KLC1: variants seen among roughly 807,000 people sequenced by gnomAD.
The protein encoded by KLC1 is kinesin light chain 1.
KLC1 carries 30 observed loss-of-function variants against 84.2 expected under a neutral mutation model. The ratio of observed to expected loss-of-function variants is 0.36; its 90% CI spans 0.27 to 0.48. The LOEUF (loss-of-function observed/expected upper bound fraction) is 0.48. KLC1 is among the 20% of genes least tolerant of loss of function. The probability of loss-of-function intolerance (pLI) is 0.99; values close to 1 mark genes in which losing one functional copy is unlikely to be tolerated. For synonymous variants in KLC1, 289 were observed against 293.3 expected (o/e 0.99, Z 0.15); for missense variants, 499 against 805.4 (o/e 0.62, Z 4.60).
intron 14 of KLC1, 36 bp downstream of exon 14, chr14:103,687,247 C>G: frequency 6.7e-7 from 1 of 1,503,350 alleles, no homozygotes; most frequent in Non-Finnish European, 9.0e-7. Context: ...ACTCCCTGCA[C>G]GCCGGCTGCT....
At chr14:103,697,017 G>A in intron 15 of KLC1, 2 of 985,476 alleles carry the variant, frequency 2.0e-6, no homozygotes, top group Non-Finnish European at 2.4e-6. Flanking sequence ...CGAGCTTCCA[G>A]GCGTGTTTTC....
intron 14 of KLC1, among the ~76,000 whole-genome samples, chr14:103,691,431 AT>A (rs1191144740): frequency 1.5e-5 from 2 of 130,126 alleles, no homozygotes; most frequent in Non-Finnish European, 3.1e-5. Flanking sequence ...AAGTGCTGGG[AT>A]TACAAGCATG....
At position 103,694,189 on chromosome 14, in the gene KLC1, C is replaced by T. The variant is rs1202907865; in HGVS notation, c.1848+1764C>T. On this transcript the variant is annotated intron_variant, in intron 15 of 16. Coordinates refer to ENST00000334553, the MANE Select transcript of KLC1 (RefSeq NM_001394837.1). The surrounding 1 kb of genome is among the most constrained non-coding windows in gnomAD (Gnocchi z 4.5). The stretch of plus-strand genomic sequence containing the variant: ...CTGTGGCCCTGGGGCCCCATGCCCC[C>T]TTTTGAGCTGTGTTCTCCCGGACGC... 2.0e-6 allele frequency: 2 copies of T among 985,400 alleles called. No individual in the cohort carries two copies. The highest frequency in any genetic ancestry group is 5.2e-4 in the Middle Eastern group (1 of 1,936). 61.0% of individuals were successfully genotyped at this position (985,400 alleles called of 1,614,324 possible). A position where few individuals can be genotyped will look rare whatever the true frequency, so the allele number is the denominator to read the frequency against.
At chr14:103,692,469 C>T (rs747069833) in intron 15 of KLC1, 44 bp downstream of exon 15, 48 of 1,505,924 alleles carry the variant, frequency 3.2e-5, no homozygotes, top group Non-Finnish European at 3.8e-5. Context: ...GCCCAGACCA[C>T]GCTGGCAGGT....
intron 2 of KLC1, among the ~76,000 whole-genome samples, chr14:103,656,818 G>T (rs554794802): frequency 6.6e-6 from 1 of 152,302 alleles, no homozygotes; most frequent in East Asian, 1.9e-4. Flanking sequence ...TAATAACCTG[G>T]TTATTATGTT....
intron 1 of KLC1, among the ~76,000 whole-genome samples, chr14:103,646,728 G>GT (rs1476678473): frequency 1.3e-5 from 2 of 151,928 alleles, no homozygotes; most frequent in African/African-American, 2.4e-5. Context: ...TTCTGCTTCA[G>GT]CCTCCCAAGT....
At chr14:103,667,528 G>A (rs1441605413) in intron 5 of KLC1, among the ~76,000 whole-genome samples, 1 of 151,730 alleles carries the variant, frequency 6.6e-6, no homozygotes, top group Admixed American at 6.6e-5. Flanking sequence ...TAGAGATGGG[G>A]TTTCACTGTG....
chr14:103,695,276 C>A, intron 15 of KLC1: 1 of 654,158 alleles, frequency 1.5e-6, no homozygotes, highest in Non-Finnish European at 1.9e-6. Context: ...GCTTGGGCAA[C>A]ACAGCGAGTC....
intron 15 of KLC1, chr14:103,696,190 ATC>A (rs1311003328): frequency 1.0e-6 from 1 of 979,008 alleles, no homozygotes; most frequent in Non-Finnish European, 1.2e-6. Flanking sequence ...CGGACAGCAT[ATC>A]TCTGGGTAGT....
Position 103,693,639 on chromosome 14 carries a change from C to A in KLC1, c.1848+1214C>A. 6.5e-7 allele frequency: 1 copy of A among 1,535,502 alleles called. No homozygotes were observed. Among genetic ancestry groups the A allele is most frequent in the Non-Finnish European group, 8.7e-7 (1 of 1,146,806 alleles). ...ACTGAGAGCCAGCAGGGCTAGGTAA[C>A]CTGTCTTGGGAGTGTGAGACCGCCC... On this transcript the variant is annotated intron_variant, in intron 15 of 16. Transcript: ENST00000334553. This position sits in a 1 kb window ranked among gnomAD's most constrained non-coding sequence, Gnocchi z 5.1.
At chr14:103,645,586 A>G (rs2077853961) in intron 1 of KLC1, among the ~76,000 whole-genome samples, 1 of 152,190 alleles carries the variant, frequency 6.6e-6, no homozygotes, top group Non-Finnish European at 1.5e-5. Context: ...ACATTTACAC[A>G]AACCTAGGAA....
At chr14:103,643,824 A>G (rs918235595) in intron 1 of KLC1, among the ~76,000 whole-genome samples, 1 of 152,140 alleles carries the variant, frequency 6.6e-6, no homozygotes, top group Non-Finnish European at 1.5e-5. Flanking sequence ...GCTACTCGGG[A>G]GGCTGAGTCA....
intron 1 of KLC1, among the ~76,000 whole-genome samples, chr14:103,647,491 A>G (rs1036146377): frequency 2.0e-5 from 3 of 152,032 alleles, no homozygotes; most frequent in African/African-American, 4.8e-5. Context: ...GGGCCTCCCA[A>G]AGTGGTGGGA....
intron 11 of KLC1, among the ~76,000 whole-genome samples, 167 bp downstream of exon 11, chr14:103,675,923 A>G (rs1213238372): frequency 6.6e-6 from 1 of 152,194 alleles, no homozygotes; most frequent in Non-Finnish European, 1.5e-5. Flanking sequence ...TGTAAATGAG[A>G]TCACTTACAT....
chr14:103,685,718 G>A, intron 13 of KLC1: 1 of 1,289,418 alleles, frequency 7.8e-7, no homozygotes, highest in Non-Finnish European at 1.0e-6. Context: ...CTCCAGTGCT[G>A]CCCGCTGTGT....
At chr14:103,696,566 G>C in intron 15 of KLC1, 1 of 985,480 alleles carries the variant, frequency 1.0e-6, no homozygotes, top group Non-Finnish European at 1.2e-6. Flanking sequence ...CTTGTGAGCT[G>C]TGTGTACGCT....
chr14:103,679,536 G>A lies in KLC1; in HGVS notation c.1641G>A (p.Glu547=), dbSNP rs1309277153. The change falls in exon 13 of 17, where the codon GAG becomes GAA. Residue 547 remains glutamate, a synonymous_variant. Transcript: ENST00000334553. ...GGGAGGAAGTGAGTATGAGCGTAGA[G>A]TGGAACGGGGTAAGTACAGTACACA... is the stretch of plus-strand genomic sequence containing the variant. ...DGGEEVSMSV[E]WNGDGTGSLK... 1 of 1,613,692 alleles carries A rather than the reference G, an allele frequency of 6.2e-7. No individual in the cohort carries two copies. The highest frequency in any genetic ancestry group is 1.3e-5 in the African/African-American group (1 of 75,038).
At chr14:103,634,183 T>C (rs1025110296) in intron 1 of KLC1, among the ~76,000 whole-genome samples, 13 of 152,196 alleles carry the variant, frequency 8.5e-5, no homozygotes, top group African/African-American at 2.7e-4. Flanking sequence ...CTGTATTATT[T>C]TAATCATTTT....
chr14:103,670,310 C>T (rs922399961), intron 7 of KLC1, 27 bp downstream of exon 7: 106 of 1,347,750 alleles, frequency 7.9e-5, no homozygotes, highest in East Asian at 1.7e-4. Context: ...CAGTCGTTTT[C>T]TTTGAGATTT....
Sources: allele counts gnomAD v4.1 joint callset (sites outside exome capture counted in the v4.1 genomes callset), GRCh38; gene constraint gnomAD v4.1.1; non-coding constraint Gnocchi (gnomAD v3.1); transcripts MANE v1.5; gene names NCBI Gene and HGNC (gene_info 2026-07-23, HGNC 2026-07-21).